The following FBXL17 variants were observed in gnomAD, a reference collection of about 807,000 sequenced individuals.
The protein encoded by FBXL17 is F-box and leucine rich repeat protein 17, also known as F-box/LRR-repeat protein 17.
Under a neutral mutation model 66.2 loss-of-function variants are expected in FBXL17, and 22 were observed. The observed-to-expected ratio is 0.33, with a 90% CI of 0.24 to 0.47. The LOEUF (loss-of-function observed/expected upper bound fraction) is 0.47. FBXL17 is among the 20% of genes least tolerant of loss of function. The pLI is 1.00. For synonymous variants in FBXL17, 474 were observed against 400.5 expected (o/e 1.18, Z -2.19); for missense variants, 878 against 948.2 (o/e 0.93, Z 0.97).
intron 4 of FBXL17, among the ~76,000 whole-genome samples, chr5:108,288,579 T>C (rs181899265): frequency 1.3e-5 from 2 of 152,110 alleles, no homozygotes; most frequent in African/African-American, 4.8e-5. Flanking sequence ...ATGATAGTGT[T>C]ATATAAATAT....
In FBXL17 at chr5:108,381,940, G is replaced by A; in HGVS notation, c.-249C>T. ...GGGAGAACGATGGGCGCGAGCTTTG[G>A]GGACGCGAGGGAGGGAGCGAGCGAG... On this transcript the variant is annotated 5_prime_UTR_variant, in exon 1 of 9. Coordinates refer to ENST00000542267, the MANE Select transcript of FBXL17 (RefSeq NM_001163315.3). The A allele has an allele frequency of 1.6e-6, 2 of 1,247,994 alleles. No homozygotes were observed. The highest frequency in any genetic ancestry group is 2.0e-6 in the Non-Finnish European group (2 of 995,094). The allele number at this position is 1,247,994 out of a possible 1,614,324, so 77.3% of individuals were successfully genotyped here.
chr5:108,115,014 T>C (rs1750187051), intron 6 of FBXL17, among the ~76,000 whole-genome samples: 1 of 152,164 alleles, frequency 6.6e-6, no homozygotes, highest in Non-Finnish European at 1.5e-5. Context: ...TAAGTGTATA[T>C]AAGATCATAA....
At chr5:107,898,652 G>C (rs931530612) in intron 7 of FBXL17, among the ~76,000 whole-genome samples, 6 of 152,106 alleles carry the variant, frequency 3.9e-5, no homozygotes, top group Non-Finnish European at 8.8e-5. Context: ...CCCGGTGTGT[G>C]ATGTTCCCCT....
chr5:108,244,189 T>C (rs1458040464), intron 4 of FBXL17, among the ~76,000 whole-genome samples: 1 of 152,194 alleles, frequency 6.6e-6, no homozygotes, highest in Non-Finnish European at 1.5e-5. Flanking sequence ...TAGTTCTCTT[T>C]TCCTCATATT....
intron 7 of FBXL17, among the ~76,000 whole-genome samples, chr5:107,977,399 A>C (rs914885276): frequency 1.3e-5 from 2 of 152,230 alleles, no homozygotes; most frequent in Admixed American, 1.3e-4. Context: ...CTAAACTTTC[A>C]ACAATCTTGC....
At chr5:108,064,901 T>C (rs1049479838) in intron 6 of FBXL17, among the ~76,000 whole-genome samples, 8 of 152,174 alleles carry the variant, frequency 5.3e-5, no homozygotes, top group African/African-American at 1.9e-4. Flanking sequence ...GAGGATCTCA[T>C]CTGGGCCACT....
intron 6 of FBXL17, among the ~76,000 whole-genome samples, chr5:108,116,655 TAATAATAATAAAAA>T (rs974302788): frequency 6.6e-5 from 10 of 150,996 alleles, no homozygotes; most frequent in African/African-American, 1.5e-4. Context: ...TCAAAAATAA[TAATAATAATAAAAA>T]AATAATAATA....
intron 5 of FBXL17, among the ~76,000 whole-genome samples, chr5:108,200,160 A>T (rs978100901): frequency 6.6e-6 from 1 of 152,152 alleles, no homozygotes; most frequent in Admixed American, 6.6e-5. Context: ...GTTGCCAGAA[A>T]TGCTACCTGA....
chr5:107,930,414 GA>G (rs1425515496), intron 7 of FBXL17, among the ~76,000 whole-genome samples: 6 of 152,174 alleles, frequency 3.9e-5, no homozygotes, highest in African/African-American at 1.4e-4. Context: ...TTTCCCTCAA[GA>G]AAAGCCTTCT....
chr5:107,931,976 T>C (rs774517519), intron 7 of FBXL17, among the ~76,000 whole-genome samples: 14 of 152,178 alleles, frequency 9.2e-5, no homozygotes, highest in Non-Finnish European at 1.6e-4. Flanking sequence ...TTATTAAAAG[T>C]ACAGATTCCT....
intron 6 of FBXL17, among the ~76,000 whole-genome samples, chr5:108,147,794 C>A (rs1204167762): frequency 6.6e-6 from 1 of 151,804 alleles, no homozygotes; most frequent in Non-Finnish European, 1.5e-5. Flanking sequence ...GATATTAAAA[C>A]CTGCCAGAAA....
chr5:108,357,611 G>A (rs1389899132), intron 3 of FBXL17, among the ~76,000 whole-genome samples: 2 of 151,272 alleles, frequency 1.3e-5, no homozygotes, highest in East Asian at 1.9e-4. Context: ...AAATTTAAAA[G>A]AATAAAAATT....
At chr5:108,003,762 C>T (rs1207935905) in intron 7 of FBXL17, among the ~76,000 whole-genome samples, 4 of 151,814 alleles carry the variant, frequency 2.6e-5, no homozygotes, top group African/African-American at 9.7e-5. Flanking sequence ...ATCAGCAAAT[C>T]GTAAGCAGAT....
chr5:108,164,033 A>C (rs919687333), intron 6 of FBXL17, among the ~76,000 whole-genome samples: 1 of 152,230 alleles, frequency 6.6e-6, no homozygotes, highest in African/African-American at 2.4e-5. Flanking sequence ...TGAGCACCTG[A>C]AAATAAGATT....
chr5:108,358,423 T>A lies in FBXL17; in HGVS notation c.1374+6315A>T, dbSNP rs535586046. Among the ~76,000 whole-genome samples, 222 of 152,302 alleles carry A rather than the reference T, an allele frequency of 1.5e-3. 1 individual carries two copies. Among genetic ancestry groups the A allele is most frequent in the Non-Finnish European group, 2.4e-3 (160 of 68,010 alleles). The stretch of plus-strand genomic sequence containing the variant: ...AGGCTGCTTATTTCACCAAATGCTT[T>A]TGCACACCAATTAAGATGACTGGTT... On this transcript the variant is annotated intron_variant, in intron 3 of 8. Transcript: ENST00000542267.
intron 6 of FBXL17, among the ~76,000 whole-genome samples, chr5:108,133,282 C>T (rs1561426456): frequency 6.6e-6 from 1 of 151,788 alleles, no homozygotes; most frequent in Non-Finnish European, 1.5e-5. Context: ...AAGTTTGGCT[C>T]TTTTTTTTCT....
intron 8 of FBXL17, among the ~76,000 whole-genome samples, chr5:107,868,973 G>A (rs1748366098): frequency 6.6e-6 from 1 of 152,226 alleles, no homozygotes; most frequent in Non-Finnish European, 1.5e-5. Context: ...CCTGCAGTAA[G>A]TTCTTGTGTG....
intron 6 of FBXL17, among the ~76,000 whole-genome samples, chr5:108,107,072 AATTTT>A (rs1405873211): frequency 6.6e-6 from 1 of 152,064 alleles, no homozygotes; most frequent in Non-Finnish European, 1.5e-5. Flanking sequence ...CTCTGAGCTT[AATTTT>A]ATTTATTTTT....
At chr5:108,265,710 C>T (rs981580286) in intron 4 of FBXL17, among the ~76,000 whole-genome samples, 3 of 152,118 alleles carry the variant, frequency 2.0e-5, no homozygotes, top group Non-Finnish European at 1.5e-5. Flanking sequence ...ACATCAGGAT[C>T]TGTTTTCTTT....
Sources: allele counts gnomAD v4.1 joint callset (sites outside exome capture counted in the v4.1 genomes callset), GRCh38; gene constraint gnomAD v4.1.1; transcripts MANE v1.5; gene names NCBI Gene and HGNC (gene_info 2026-07-23, HGNC 2026-07-21).